The following TTC28 variants were observed in gnomAD, a reference collection of about 807,000 sequenced individuals.
TTC28 encodes tetratricopeptide repeat protein 28.
A neutral mutation model predicts 198.0 loss-of-function variants in TTC28; 61 were observed. The observed-to-expected ratio is 0.31, with a 90% CI of 0.25 to 0.38. The LOEUF (loss-of-function observed/expected upper bound fraction) is 0.38. Among genes scored for constraint, TTC28 ranks in the 10% least tolerant of loss-of-function variants. The pLI, the probability that TTC28 is intolerant of heterozygous loss-of-function variation, is 1.00. For synonymous variants in TTC28, 1,171 were observed against 1,297.8 expected, an observed-to-expected ratio of 0.90 and a Z score of 2.10; for missense variants, 2,678 against 3,164.0, an observed-to-expected ratio of 0.85 and a Z score of 3.69.
At chr22:28,457,050 C>T (rs78457583) in intron 2 of TTC28, among the ~76,000 whole-genome samples, 2,883 of 152,276 alleles carry the variant, frequency 0.019, 28 homozygotes, top group Non-Finnish European at 0.026. Flanking sequence ...AGTAAGACCA[C>T]AGAATACATT....
chr22:28,210,178 G>A (rs538790257), intron 5 of TTC28, among the ~76,000 whole-genome samples: 1 of 152,136 alleles, frequency 6.6e-6, no homozygotes, highest in Non-Finnish European at 1.5e-5. Context: ...AAACCACAAA[G>A]ATGCGGAGAC....
At chr22:28,263,498 C>CTTTAATTATAAACAAA (rs1255044837) in intron 5 of TTC28, among the ~76,000 whole-genome samples, 1 of 152,124 alleles carries the variant, frequency 6.6e-6, no homozygotes, top group African/African-American at 2.4e-5. Context: ...TATAAACATT[C>CTTTAATTATAAACAAA]AATCCTGAAT....
At position 28,018,313 on chromosome 22, in the gene TTC28, G is replaced by C. The variant is rs1038601914; in HGVS notation, c.4074-3921C>G. On this transcript the variant is annotated intron_variant, in intron 13 of 22. Transcript: ENST00000397906. ...CGCGCGTGTGTGCGCGCGCGGGGGG[G>C]GGGGCGGGGAACCTGTCCCTAGAGA... 1.5e-4 allele frequency among the ~76,000 whole-genome samples: 23 copies of C among 148,452 alleles called. 2 individuals carry two copies. Among genetic ancestry groups the C allele is most frequent in the Non-Finnish European group, 3.2e-4 (21 of 66,498 alleles).
chr22:28,065,223 T>C (rs1387209829), intron 12 of TTC28, among the ~76,000 whole-genome samples: 1 of 152,162 alleles, frequency 6.6e-6, no homozygotes, highest in Non-Finnish European at 1.5e-5. Flanking sequence ...CAGTGGTATA[T>C]GTAAGGATAA....
chr22:28,594,688 C>T (rs2050506952), intron 2 of TTC28, among the ~76,000 whole-genome samples: 1 of 152,096 alleles, frequency 6.6e-6, no homozygotes, highest in African/African-American at 2.4e-5. Flanking sequence ...GATATCATTG[C>T]ACTCCAAGTA....
At chr22:28,318,943 C>T (rs957851691) in intron 2 of TTC28, among the ~76,000 whole-genome samples, 1 of 147,910 alleles carries the variant, frequency 6.8e-6, no homozygotes, top group African/African-American at 2.5e-5. Context: ...CTTAGCCTTG[C>T]AAGTAGTTAG....
rs139615747 is a variant in TTC28, at chr22:28,417,782, C to T, written c.382-111139G>A. ...GGCAAAGCTTTGGAAACCCTAATAGCTCTGAGCCTAAATCTTCAAGTCCTC... is the reference window on the plus strand; with the variant it reads ...GGCAAAGCTTTGGAAACCCTAATAGTTCTGAGCCTAAATCTTCAAGTCCTC... On this transcript the variant is annotated intron_variant, in intron 2 of 22. Coordinates refer to ENST00000397906, the MANE Select transcript of TTC28 (RefSeq NM_001145418.2). Among the ~76,000 whole-genome samples the T allele has an allele frequency of 2.0e-5, 3 of 152,310 alleles. No homozygotes were observed. In the East Asian group the frequency reaches 5.8e-4, roughly 29 times the overall value.
chr22:28,107,907 G>A lies in TTC28; in HGVS notation c.1938C>T (p.Cys646=), dbSNP rs1601627790. 1 of 1,551,732 alleles carries A rather than the reference G, an allele frequency of 6.4e-7. No individual in the cohort carries two copies. The highest frequency in any genetic ancestry group is 1.2e-5 in the South Asian group (1 of 84,066). Residue 646 remains cysteine (C), a synonymous_variant, in exon 7 of 23, where the codon TGC becomes TGT. Coordinates refer to ENST00000397906, the MANE Select transcript of TTC28 (RefSeq NM_001145418.2). ...TCACTGCCTCCTGATAGTTTCCAAG[G>A]CAGTAATGGGCATAGCCAAGATTGT... The part of the protein sequence containing the change: ...VCHNLGYAHY[C]LGNYQEAVKY...
chr22:28,054,664 A>G (rs1021258025), intron 12 of TTC28, among the ~76,000 whole-genome samples: 1 of 152,100 alleles, frequency 6.6e-6, no homozygotes, highest in Non-Finnish European at 1.5e-5. Flanking sequence ...CCCTCCACAC[A>G]TATCTGCTGC....
chr22:28,675,087 T>C (rs2051961566), intron 1 of TTC28, among the ~76,000 whole-genome samples: 1 of 152,152 alleles, frequency 6.6e-6, no homozygotes, highest in Non-Finnish European at 1.5e-5. Flanking sequence ...AATAAAACCT[T>C]ATATATGTTC....
intron 12 of TTC28, among the ~76,000 whole-genome samples, chr22:28,073,516 G>C (rs1215983175): frequency 6.6e-6 from 1 of 152,062 alleles, no homozygotes; most frequent in Non-Finnish European, 1.5e-5. Flanking sequence ...AAAGATATAA[G>C]CAAAAAAATG....
chr22:28,042,733 AAAG>A (rs1312437730), intron 12 of TTC28, among the ~76,000 whole-genome samples: 1 of 152,060 alleles, frequency 6.6e-6, no homozygotes, highest in African/African-American at 2.4e-5. Context: ...AAAAAAAAAA[AAAG>A]AAAAGAGCCT....
chr22:28,579,987 T>TAC (rs374039787), intron 2 of TTC28, among the ~76,000 whole-genome samples: 35 of 150,814 alleles, frequency 2.3e-4, no homozygotes, highest in African/African-American at 5.1e-4. Context: ...AAAAAAATTA[T>TAC]ACACACACAC....
chr22:27,989,761 T>C (rs1937332910), intron 21 of TTC28, 117 bp downstream of exon 21: 1 of 1,350,144 alleles, frequency 7.4e-7, no homozygotes, highest in Non-Finnish European at 9.9e-7. Context: ...TTAACTGTTT[T>C]AAGATAATAT....
intron 2 of TTC28, among the ~76,000 whole-genome samples, chr22:28,313,230 A>G (rs554211781): frequency 7.8e-4 from 119 of 152,320 alleles, no homozygotes; most frequent in Non-Finnish European, 1.6e-3. Context: ...ATAGCCTACC[A>G]AACAAAAACA....
intron 12 of TTC28, among the ~76,000 whole-genome samples, chr22:28,046,048 A>G (rs1939851619): frequency 6.6e-6 from 1 of 152,238 alleles, no homozygotes; most frequent in Admixed American, 6.5e-5. Context: ...AGTTCTTTGT[A>G]AAAGGCAGAC....
At chr22:28,657,476 C>A (rs2051677637) in intron 1 of TTC28, among the ~76,000 whole-genome samples, 1 of 152,200 alleles carries the variant, frequency 6.6e-6, no homozygotes, top group African/African-American at 2.4e-5. Flanking sequence ...AGAATAAAGG[C>A]AACAAAATAA....
At chr22:28,505,514 C>A (rs1247958898) in intron 2 of TTC28, among the ~76,000 whole-genome samples, 1 of 152,160 alleles carries the variant, frequency 6.6e-6, no homozygotes, top group Non-Finnish European at 1.5e-5. Flanking sequence ...CCCCCACCCC[C>A]AGCCAAGGGA....
chr22:28,583,990 T>TG (rs1371590045), intron 2 of TTC28, among the ~76,000 whole-genome samples: 4 of 151,166 alleles, frequency 2.6e-5, no homozygotes, highest in Non-Finnish European at 5.9e-5. Context: ...CTCCGTTTTT[T>TG]TTTTGTTTTG....
Sources: gnomAD v4.1 joint callset for allele counts (sites outside exome capture counted in the v4.1 genomes callset) on GRCh38, gnomAD v4.1.1 for gene constraint, MANE v1.5 for transcripts, NCBI Gene and HGNC (gene_info 2026-07-23, HGNC 2026-07-21) for gene names.